The following CPNE9 variants were observed in gnomAD, a reference collection of about 807,000 sequenced individuals.
The protein encoded by CPNE9 is copine-9.
CPNE9 carries 59 observed loss-of-function variants against 83.0 expected under a neutral mutation model. The ratio of observed to expected loss-of-function variants is 0.71; its 90% confidence interval spans 0.58 to 0.88. The LOEUF (loss-of-function observed/expected upper bound fraction) is 0.88. CPNE9 is among the 40% of genes least tolerant of loss of function. CPNE9 has a pLI of 0.00. For missense variants in CPNE9, 619 were observed against 720.8 expected (o/e 0.86, Z 1.62); for synonymous variants, 256 against 273.4 (o/e 0.94, Z 0.63).
In CPNE9 at chr3:9,704,807, A is replaced by T. The variant is rs368322124; in HGVS notation, c.156+12A>T. 45 of 1,603,566 alleles carry T rather than the reference A, an allele frequency of 2.8e-5. 1 individual carries two copies. In the African/African-American group the frequency reaches 4.7e-4, roughly 17 times the overall value. On this transcript the variant is annotated intron_variant, in intron 3 of 20. Transcript: ENST00000383832. The surrounding 1 kb of genome is among the most constrained non-coding windows in gnomAD (Gnocchi z 7.1). ...AGGAGTGGCGGGAGGTGAGTCCCAG[A>T]GCCCCCTCCCGGCCCAGGGCGTCGC...
intron 7 of CPNE9, among the ~76,000 whole-genome samples, chr3:9,708,923 C>A (rs570375051): frequency 6.6e-6 from 1 of 151,622 alleles, no homozygotes; most frequent in Non-Finnish European, 1.5e-5. Flanking sequence ...CGTGAGCCAC[C>A]GCACCCGGCC....
At chr3:9,712,942 T>C in intron 9 of CPNE9, 33 bp from the exon 10 acceptor site, 3 of 1,596,170 alleles carry the variant, frequency 1.9e-6, no homozygotes, top group Non-Finnish European at 2.6e-6. Flanking sequence ...GGGCACGAGA[T>C]AAATTATACC....
At position 9,718,081 on chromosome 3, in the gene CPNE9, C is replaced by T. The variant is rs1265438684; in HGVS notation, c.984C>T (p.Ser328=). 7 of 1,614,078 alleles carry T rather than the reference C, an allele frequency of 4.3e-6. No homozygotes were observed. Among genetic ancestry groups the T allele is most frequent in the South Asian group, 2.2e-5 (2 of 91,082 alleles). Residue 328 remains serine (S), a synonymous_variant, in exon 16 of 21, where the codon AGC becomes AGT. Transcript: ENST00000383832. ...ACTACATGAGTCCCTACCAGCTCAG[C>T]GCCTATGCCATGGCCCTCAAGGCAG... ...SLHYMSPYQL[S]AYAMALKAVG...
intron 17 of CPNE9, among the ~76,000 whole-genome samples, chr3:9,719,153 A>G (rs989948454): frequency 6.6e-6 from 1 of 152,080 alleles, no homozygotes; most frequent in Admixed American, 6.6e-5. Flanking sequence ...TTTAAATTAA[A>G]TATTTAAATT....
chr3:9,712,264 C>T (rs1008815273), intron 7 of CPNE9, among the ~76,000 whole-genome samples: 1 of 152,222 alleles, frequency 6.6e-6, no homozygotes, highest in Non-Finnish European at 1.5e-5. Context: ...CAGGGTCACA[C>T]AGCTTAACAA....
Position 9,704,590 on chromosome 3 carries a change from C to T in CPNE9, c.72C>T (p.Asn24=), listed in dbSNP as rs1219952203. ...TKIEITVSCR[N]LLDLDTFSKS... Reference sequence around the variant, plus strand: ...TCTGTCTGTTGCTTTTCTCTAGGAACCTGCTAGACCTTGATACCTTCTCCA... The same window carrying T: ...TCTGTCTGTTGCTTTTCTCTAGGAATCTGCTAGACCTTGATACCTTCTCCA... The change falls in exon 2 of 21, where the codon AAC becomes AAT. Residue 24 remains asparagine (N), a synonymous_variant. Transcript: ENST00000383832. This position sits in a 1 kb window ranked among gnomAD's most constrained non-coding sequence, Gnocchi z 7.1. The T allele has an allele frequency of 6.2e-7, 1 of 1,613,672 alleles. No homozygotes were observed.
intron 7 of CPNE9, 43 bp from the exon 8 acceptor site, chr3:9,712,498 C>T (rs757171423): frequency 1.3e-6 from 2 of 1,552,820 alleles, no homozygotes; most frequent in African/African-American, 1.4e-5. Flanking sequence ...ATCCTTGTTG[C>T]CTACCCTCCC....
intron 17 of CPNE9, among the ~76,000 whole-genome samples, chr3:9,723,210 G>A (rs2076748969): frequency 6.6e-6 from 1 of 152,196 alleles, no homozygotes; most frequent in Non-Finnish European, 1.5e-5. Context: ...AGTGGCTCAT[G>A]CCTGTAATCC....
intron 18 of CPNE9, 133 bp from the exon 19 acceptor site, chr3:9,726,532 C>G (rs1575135209): frequency 1.5e-6 from 1 of 683,632 alleles, no homozygotes; most frequent in East Asian, 2.5e-5. Flanking sequence ...TAGTCTGGGG[C>G]AGAGAAAATC....
At chr3:9,711,028 T>TA (rs897334306) in intron 7 of CPNE9, among the ~76,000 whole-genome samples, 3 of 151,512 alleles carry the variant, frequency 2.0e-5, no homozygotes, top group East Asian at 1.9e-4. Flanking sequence ...CCCCAACTCT[T>TA]AAAAAAAAGT....
At position 9,704,415 on chromosome 3, in the gene CPNE9, G is replaced by A. The variant is rs983811371; in HGVS notation, c.69-172G>A. On this transcript the variant is annotated intron_variant, in intron 1 of 20. Coordinates refer to ENST00000383832, the MANE Select transcript of CPNE9 (RefSeq NM_153635.3). This position sits in a 1 kb window ranked among gnomAD's most constrained non-coding sequence, Gnocchi z 7.1. ...CGCAGAGCCATGGTTCCTGGACAGC[G>A]ATTTCCGGTGCTGTCCAGAGTGCTG... Among the ~76,000 whole-genome samples the A allele has an allele frequency of 2.6e-5, 4 of 152,200 alleles. No individual in the cohort carries two copies. Among genetic ancestry groups the A allele is most frequent in the African/African-American group, 9.6e-5 (4 of 41,456 alleles).
At position 9,705,589 on chromosome 3, in the gene CPNE9, A is replaced by T; in HGVS notation, c.297+89A>T. On this transcript the variant is annotated intron_variant, in intron 5 of 20. Coordinates refer to ENST00000383832, the MANE Select transcript of CPNE9 (RefSeq NM_153635.3). The stretch of plus-strand genomic sequence containing the variant: ...CTCTCAGAACTCCTCCCAACCCTCG[A>T]CCCAGACCCCATCTTCTTCAGGCCC... 3.2e-6 allele frequency: 5 copies of T among 1,564,160 alleles called. No individual in the cohort carries two copies. In the South Asian group the frequency reaches 5.6e-5, roughly 17 times the overall value.
chr3:9,716,749 C>T (rs1384260530), intron 14 of CPNE9, among the ~76,000 whole-genome samples: 9 of 152,226 alleles, frequency 5.9e-5, no homozygotes, highest in East Asian at 1.9e-4. Flanking sequence ...TGATTACAGG[C>T]GTGAGCCACG....
At chr3:9,720,902 A>G (rs754860534) in intron 17 of CPNE9, among the ~76,000 whole-genome samples, 20 of 152,210 alleles carry the variant, frequency 1.3e-4, no homozygotes, top group Non-Finnish European at 2.5e-4. Context: ...TTTGGTCAAG[A>G]TTCTTAACCT....
At chr3:9,709,585 G>T (rs2076603770) in intron 7 of CPNE9, among the ~76,000 whole-genome samples, 1 of 151,722 alleles carries the variant, frequency 6.6e-6, no homozygotes, top group Admixed American at 6.6e-5. Flanking sequence ...GGCCAGGCTG[G>T]TCTTGAACGC....
chr3:9,720,910 C>A (rs1158769519), intron 17 of CPNE9, among the ~76,000 whole-genome samples: 5 of 152,154 alleles, frequency 3.3e-5, no homozygotes, highest in Non-Finnish European at 7.3e-5. Flanking sequence ...AGATTCTTAA[C>A]CTCTCTGCGC....
chr3:9,705,162 G>T, intron 4 of CPNE9, 168 bp downstream of exon 4: 1 of 656,690 alleles, frequency 1.5e-6, no homozygotes, highest in Non-Finnish European at 2.8e-6. Context: ...ATGAGATGCG[G>T]TCCAGTTCCG....
At chr3:9,720,008 T>TAC (rs2076720595) in intron 17 of CPNE9, among the ~76,000 whole-genome samples, 1 of 148,956 alleles carries the variant, frequency 6.7e-6, no homozygotes. Flanking sequence ...TATATATATA[T>TAC]ACATATATAT....
intron 15 of CPNE9, among the ~76,000 whole-genome samples, chr3:9,717,777 AAGAT>A (rs1302294852): frequency 6.6e-6 from 1 of 151,994 alleles, no homozygotes; most frequent in Non-Finnish European, 1.5e-5. Flanking sequence ...AGTAGACTGA[AAGAT>A]AGATGTATGG....
Sources: allele counts gnomAD v4.1 joint callset (sites outside exome capture counted in the v4.1 genomes callset), GRCh38; gene constraint gnomAD v4.1.1; non-coding constraint Gnocchi (gnomAD v3.1); transcripts MANE v1.5; gene names NCBI Gene and HGNC (gene_info 2026-07-23, HGNC 2026-07-21).